The following KALRN variants were observed in gnomAD, a reference collection of about 807,000 sequenced individuals.
KALRN encodes the protein kalirin.
Under a neutral mutation model 353.7 loss-of-function variants are expected in KALRN, and 70 were observed. The ratio of observed to expected loss-of-function variants is 0.20; its 90% confidence interval spans 0.16 to 0.24. The LOEUF (loss-of-function observed/expected upper bound fraction) is 0.24, where lower values mean the gene tolerates loss of function less well. Ranked by LOEUF, KALRN falls within the 10% of genes least tolerant of loss-of-function variation. KALRN has a pLI of 1.00. For missense variants in KALRN, 2,791 were observed against 3,756.7 expected, an observed-to-expected ratio of 0.74 and a Z score of 6.72; for synonymous variants, 1,391 against 1,434.8, an observed-to-expected ratio of 0.97 and a Z score of 0.69.
chr3:124,411,340 G>A (rs999371643), intron 13 of KALRN, among the ~76,000 whole-genome samples: 2 of 142,846 alleles, frequency 1.4e-5, no homozygotes, highest in African/African-American at 2.6e-5. Context: ...TGTGTATTTT[G>A]TATGTAAATT....
chr3:124,514,875 T>C (rs2066360676), intron 33 of KALRN, among the ~76,000 whole-genome samples: 1 of 152,210 alleles, frequency 6.6e-6, no homozygotes, highest in African/African-American at 2.4e-5. Flanking sequence ...CTGTGTTCCA[T>C]GTATTGTCTG....
intron 33 of KALRN, among the ~76,000 whole-genome samples, chr3:124,541,054 G>A (rs2068973631): frequency 6.6e-6 from 1 of 152,110 alleles, no homozygotes; most frequent in Non-Finnish European, 1.5e-5. Flanking sequence ...CTGTGTCTTG[G>A]TGGCATAAAA....
Position 124,722,361 on chromosome 3 carries a change from C to G in KALRN, c.*2891C>G, listed in dbSNP as rs2063368413. On this transcript the variant is annotated 3_prime_UTR_variant, in exon 60 of 60. Coordinates refer to ENST00000682506, the MANE Select transcript of KALRN (RefSeq NM_001388419.1). ...AGTGAGAAGACAGGAAAGGAGGGAC[C>G]TAGAAATGAAAAGTAGGATGATTTT... is the stretch of plus-strand genomic sequence containing the variant. The G allele has an allele frequency of 6.6e-6, 1 of 152,098 alleles. No individual in the cohort carries two copies. Among genetic ancestry groups the G allele is most frequent in the East Asian group, 1.9e-4 (1 of 5,178 alleles). The allele number at this position is 152,098 out of a possible 1,614,324, so 9.4% of individuals were successfully genotyped here. A position where few individuals can be genotyped will look rare whatever the true frequency, so the allele number is the denominator to read the frequency against.
At chr3:124,592,074 G>A (rs1317579939) in intron 34 of KALRN, among the ~76,000 whole-genome samples, 2 of 152,112 alleles carry the variant, frequency 1.3e-5, no homozygotes, top group East Asian at 3.8e-4. Flanking sequence ...GCTGAGGCAG[G>A]CAGATCACCT....
chr3:124,236,844 CTCAGGGGGTGGTCACA>C (rs2079835693), intron 3 of KALRN, among the ~76,000 whole-genome samples: 1 of 152,224 alleles, frequency 6.6e-6, no homozygotes, highest in Admixed American at 6.5e-5. Context: ...CTCTCTGCTT[CTCAGGGGGTGGTCACA>C]TCAGTGCAAT....
At chr3:124,611,805 A>G (rs2078006754) in intron 34 of KALRN, among the ~76,000 whole-genome samples, 1 of 152,236 alleles carries the variant, frequency 6.6e-6, no homozygotes, top group African/African-American at 2.4e-5. Flanking sequence ...TCCAGCCACA[A>G]GAACTTCCTT....
intron 1 of KALRN, among the ~76,000 whole-genome samples, chr3:124,059,400 G>A (rs1196257502): frequency 1.4e-5 from 2 of 145,630 alleles, no homozygotes; most frequent in Non-Finnish European, 3.0e-5. Context: ...TTTTTTTTTT[G>A]TGGTGAGAAC....
intron 59 of KALRN, among the ~76,000 whole-genome samples, chr3:124,718,066 C>T (rs2063237654): frequency 6.6e-6 from 1 of 151,852 alleles, no homozygotes; most frequent in Non-Finnish European, 1.5e-5. Flanking sequence ...CCCGCCTTGG[C>T]CTCCCAAAGT....
chr3:124,671,886 C>G lies in KALRN; in HGVS notation c.6930C>G (p.Phe2310Leu), dbSNP rs769328981. Residue 2310 changes from phenylalanine to leucine, a missense_variant, in exon 48 of 60, where the codon TTC becomes TTG. By Grantham distance (22) the Phe-to-Leu change is conservative. Coordinates refer to ENST00000682506, the MANE Select transcript of KALRN (RefSeq NM_001388419.1). ...AATACCACCAGCCTGGGGACAAGTT[C>G]GAAGCCAGCAAGGTAAGTGACAACT... ...GFEYHQPGDK[F>L]EASKNDLGGC... is the part of the protein sequence containing the mutation. 20 of 1,612,314 alleles carry G rather than the reference C, an allele frequency of 1.2e-5. No individual in the cohort carries two copies. The Admixed American group carries it at 3.3e-4, about 27-fold the overall frequency.
At chr3:124,566,722 C>T (rs1350944012) in intron 34 of KALRN, among the ~76,000 whole-genome samples, 1 of 152,142 alleles carries the variant, frequency 6.6e-6, no homozygotes, top group African/African-American at 2.4e-5. Flanking sequence ...GGCAAACCGC[C>T]TTTTCTTCTC....
intron 1 of KALRN, among the ~76,000 whole-genome samples, chr3:124,218,881 G>C (rs1399433105): frequency 2.0e-5 from 3 of 152,204 alleles, no homozygotes; most frequent in Admixed American, 6.5e-5. Flanking sequence ...CTTTAATGGA[G>C]CTAATTTAGC....
chr3:124,499,090 C>G (rs2064209539), intron 33 of KALRN, among the ~76,000 whole-genome samples: 1 of 152,116 alleles, frequency 6.6e-6, no homozygotes, highest in African/African-American at 2.4e-5. Flanking sequence ...TAGAAAAATG[C>G]CCCAGTCTTC....
chr3:124,453,981 G>A (rs1000989728), intron 21 of KALRN, among the ~76,000 whole-genome samples: 1 of 152,142 alleles, frequency 6.6e-6, no homozygotes, highest in Non-Finnish European at 1.5e-5. Context: ...TGACCCCCAA[G>A]CCCTAAACTA....
At chr3:124,491,477 G>T in intron 31 of KALRN, 53 bp downstream of exon 31, 1 of 1,351,790 alleles carries the variant, frequency 7.4e-7, no homozygotes, top group South Asian at 1.5e-5. Context: ...AATAGAAGTG[G>T]GGGTGGGCAA....
chr3:124,554,513 C>T (rs2070962853), intron 33 of KALRN, among the ~76,000 whole-genome samples: 1 of 152,208 alleles, frequency 6.6e-6, no homozygotes, highest in African/African-American at 2.4e-5. Flanking sequence ...CTTTCTCACT[C>T]TACAACTTTT....
At chr3:124,256,669 C>T (rs1181957232) in intron 3 of KALRN, among the ~76,000 whole-genome samples, 3 of 152,158 alleles carry the variant, frequency 2.0e-5, no homozygotes, top group African/African-American at 4.8e-5. Flanking sequence ...CAGAAGCCCT[C>T]TACACCTGGA....
chr3:124,555,843 T>C (rs1362262785), intron 33 of KALRN, among the ~76,000 whole-genome samples: 2 of 152,204 alleles, frequency 1.3e-5, no homozygotes, highest in African/African-American at 4.8e-5. Context: ...TGCTCTGCTC[T>C]TCTGTATCTT....
At chr3:124,673,039 T>A (rs73195562) in intron 48 of KALRN, among the ~76,000 whole-genome samples, 3 of 152,196 alleles carry the variant, frequency 2.0e-5, no homozygotes, top group Admixed American at 2.0e-4. Flanking sequence ...ATTTTCCACC[T>A]TAAAAAACAA....
intron 33 of KALRN, among the ~76,000 whole-genome samples, chr3:124,516,005 T>C (rs1467909773): frequency 6.6e-6 from 1 of 152,162 alleles, no homozygotes; most frequent in Non-Finnish European, 1.5e-5. Flanking sequence ...TTCTCACACA[T>C]CAAACCATCA....
Sources: gnomAD v4.1 joint callset for allele counts (sites outside exome capture counted in the v4.1 genomes callset) on GRCh38, gnomAD v4.1.1 for gene constraint, MANE v1.5 for transcripts, NCBI Gene and HGNC (gene_info 2026-07-23, HGNC 2026-07-21) for gene names.